SYT16: variants seen among roughly 807,000 people sequenced by gnomAD.
SYT16 encodes synaptotagmin-16.
In SYT16, 42 loss-of-function variants were observed where a neutral mutation model predicts 61.4. That is an observed-to-expected ratio of 0.68 (90% CI 0.53 to 0.89). The LOEUF (loss-of-function observed/expected upper bound fraction) is 0.89, where lower values mean the gene tolerates loss of function less well. SYT16 is among the 40% of genes least tolerant of loss of function. The pLI is 0.00. For missense variants in SYT16, 804 were observed against 807.3 expected (o/e 1.00, Z 0.05); for synonymous variants, 314 against 302.3 (o/e 1.04, Z -0.40).
At chr14:62,011,874 TAC>T (rs576570781) in intron 3 of SYT16, among the ~76,000 whole-genome samples, 6,962 of 136,352 alleles carry the variant, frequency 0.051, 258 homozygotes, top group Non-Finnish European at 0.075. Context: ...ACACTATATA[TAC>T]ACACACACAC....
At chr14:62,012,437 G>A (rs2140713120) in intron 3 of SYT16, among the ~76,000 whole-genome samples, 1 of 152,314 alleles carries the variant, frequency 6.6e-6, no homozygotes, top group African/African-American at 2.4e-5. Flanking sequence ...ACTTCATCAA[G>A]CTAGAGTCTG....
intron 1 of SYT16, among the ~76,000 whole-genome samples, chr14:61,884,333 C>T (rs1459379511): frequency 2.0e-5 from 3 of 152,100 alleles, no homozygotes. Flanking sequence ...TTCAGGCTTC[C>T]TTTATTAATA....
intron 7 of SYT16, among the ~76,000 whole-genome samples, chr14:62,092,278 G>A (rs1566842101): frequency 6.6e-6 from 1 of 151,150 alleles, no homozygotes; most frequent in Non-Finnish European, 1.5e-5. Flanking sequence ...GTCCATTACT[G>A]GTAGGAATGT....
intron 2 of SYT16, among the ~76,000 whole-genome samples, chr14:61,973,883 G>C (rs1235588848): frequency 6.6e-6 from 1 of 152,154 alleles, no homozygotes; most frequent in African/African-American, 2.4e-5. Context: ...AGACCATGAA[G>C]TGTTTCCTGG....
intron 3 of SYT16, among the ~76,000 whole-genome samples, chr14:62,043,027 A>G (rs1595240701): frequency 6.7e-6 from 1 of 149,972 alleles, no homozygotes; most frequent in Non-Finnish European, 1.5e-5. Context: ...GGTACTTGTT[A>G]TTCCACCTTG....
chr14:61,958,986 T>C lies in SYT16; in HGVS notation c.-324-11146T>C, dbSNP rs1419854959. 2.6e-5 allele frequency among the ~76,000 whole-genome samples: 4 copies of C among 152,168 alleles called. No homozygotes were observed. In the East Asian group the frequency reaches 5.8e-4, roughly 22 times the overall value. On this transcript the variant is annotated intron_variant, in intron 1 of 7. Transcript: ENST00000683842. ...ATAGATCCCTGTAGAATTGACCCTT[T>C]TGTCATTATGAAATGCCCTTCTTTG... is the stretch of plus-strand genomic sequence containing the variant.
chr14:61,942,558 A>G (rs2050249944), intron 1 of SYT16, among the ~76,000 whole-genome samples: 1 of 152,182 alleles, frequency 6.6e-6, no homozygotes. Flanking sequence ...TTCGACTCAC[A>G]GTGGGATTCT....
chr14:61,827,464 T>C (rs960494792), intron 1 of SYT16, among the ~76,000 whole-genome samples: 1 of 152,198 alleles, frequency 6.6e-6, no homozygotes, highest in African/African-American at 2.4e-5. Flanking sequence ...TTGTCGATGT[T>C]GGTTTTTACC....
chr14:62,045,002 G>A (rs1210932054), intron 3 of SYT16, among the ~76,000 whole-genome samples: 1 of 152,144 alleles, frequency 6.6e-6, no homozygotes, highest in African/African-American at 2.4e-5. Flanking sequence ...GCTGGGCGTG[G>A]TGGCACGCAC....
At chr14:61,831,906 A>G in intron 1 of SYT16, 1 of 492,266 alleles carries the variant, frequency 2.0e-6, no homozygotes, top group Non-Finnish European at 3.9e-6. Context: ...TGGCTGGCGA[A>G]GCCCTGCAGG....
At chr14:62,061,565 C>G (rs2055825894) in intron 3 of SYT16, among the ~76,000 whole-genome samples, 1 of 152,052 alleles carries the variant, frequency 6.6e-6, no homozygotes, top group Non-Finnish European at 1.5e-5. Flanking sequence ...ATGAGTTATG[C>G]AAACTGTGAG....
chr14:61,874,600 A>G (rs1474585906), intron 1 of SYT16, among the ~76,000 whole-genome samples: 2 of 152,184 alleles, frequency 1.3e-5, no homozygotes, highest in Non-Finnish European at 2.9e-5. Context: ...AAGTCTTCAT[A>G]CCTTTAATTT....
At chr14:61,886,906 T>TTC (rs2047929268) in intron 1 of SYT16, among the ~76,000 whole-genome samples, 1 of 144,186 alleles carries the variant, frequency 6.9e-6, no homozygotes, top group African/African-American at 2.7e-5. Context: ...GTCTTTTTTT[T>TTC]TTTTTCCTTT....
At chr14:61,999,193 G>T (rs1298969629) in intron 3 of SYT16, among the ~76,000 whole-genome samples, 1 of 151,550 alleles carries the variant, frequency 6.6e-6, no homozygotes, top group Non-Finnish European at 1.5e-5. Context: ...AGAAAAATTT[G>T]TGTACAATTA....
chr14:62,062,622 A>G (rs2055874333), intron 3 of SYT16, among the ~76,000 whole-genome samples: 1 of 152,108 alleles, frequency 6.6e-6, no homozygotes, highest in South Asian at 2.1e-4. Context: ...GTGCTTTTAG[A>G]AATGTGGCCG....
intron 1 of SYT16, among the ~76,000 whole-genome samples, chr14:61,963,208 A>G (rs1326873154): frequency 6.6e-6 from 1 of 152,138 alleles, no homozygotes; most frequent in Non-Finnish European, 1.5e-5. Flanking sequence ...TGAAAGCAAG[A>G]GTCTCTCACT....
In SYT16 at chr14:62,096,155, G is replaced by A. The variant is rs1595405265; in HGVS notation, c.1625-4239G>A. Among the ~76,000 whole-genome samples, 4 of 152,040 alleles carry A rather than the reference G, an allele frequency of 2.6e-5. No homozygotes were observed. The South Asian group carries it at 8.3e-4, about 31-fold the overall frequency. On this transcript the variant is annotated intron_variant, in intron 7 of 7. Coordinates refer to ENST00000683842, the MANE Select transcript of SYT16 (RefSeq NM_001367656.1). ...AGAAGATAATATGGGAGACTATTGA[G>A]TTTGGGTAGGGTTTCTTTTAAAAAG...
At chr14:61,821,113 C>G (rs1362760778) in intron 1 of SYT16, among the ~76,000 whole-genome samples, 2 of 151,806 alleles carry the variant, frequency 1.3e-5, no homozygotes, top group African/African-American at 4.8e-5. Context: ...GTCAGGTTTG[C>G]AGAGCCCTCA....
intron 1 of SYT16, among the ~76,000 whole-genome samples, chr14:61,896,278 A>G (rs187132642): frequency 1.3e-5 from 2 of 152,312 alleles, no homozygotes; most frequent in African/African-American, 4.8e-5. Flanking sequence ...CAAGGTGTAC[A>G]GGTCCCCTGG....
Sources: allele counts gnomAD v4.1 joint callset (sites outside exome capture counted in the v4.1 genomes callset), GRCh38; gene constraint gnomAD v4.1.1; transcripts MANE v1.5; gene names NCBI Gene and HGNC (gene_info 2026-07-23, HGNC 2026-07-21).